Variants in MAML2 observed in about 807,000 individuals in gnomAD.
The protein encoded by MAML2 is mastermind-like protein 2.
A neutral mutation model predicts 96.1 loss-of-function variants in MAML2; 22 were observed. That is an observed-to-expected ratio of 0.23 (90% CI 0.16 to 0.33). The LOEUF is 0.33. MAML2 is among the 10% of genes least tolerant of loss of function. MAML2 has a pLI of 1.00. For synonymous variants in MAML2, 561 were observed against 521.3 expected, an observed-to-expected ratio of 1.08 and a Z score of -1.04; for missense variants, 1,367 against 1,392.4, an observed-to-expected ratio of 0.98 and a Z score of 0.29.
chr11:96,054,149 T>C (rs1288814394), intron 2 of MAML2, among the ~76,000 whole-genome samples: 1 of 152,180 alleles, frequency 6.6e-6, no homozygotes, highest in Non-Finnish European at 1.5e-5. Context: ...AAGGTTCTTA[T>C]TTCTTAGGAC....
At chr11:96,099,730 C>A (rs1859892293) in intron 1 of MAML2, among the ~76,000 whole-genome samples, 1 of 152,166 alleles carries the variant, frequency 6.6e-6, no homozygotes, top group South Asian at 2.1e-4. Flanking sequence ...ACCAAATTCA[C>A]AAGCAAATTA....
chr11:96,223,724 C>T (rs1034747064), intron 1 of MAML2, among the ~76,000 whole-genome samples: 3 of 152,102 alleles, frequency 2.0e-5, no homozygotes, highest in Non-Finnish European at 4.4e-5. Context: ...TCCGCTCCCA[C>T]CCGCCATACC....
intron 1 of MAML2, among the ~76,000 whole-genome samples, chr11:96,249,555 A>T (rs1357765033): frequency 6.6e-6 from 1 of 152,074 alleles, no homozygotes; most frequent in East Asian, 1.9e-4. Flanking sequence ...ATATCCCTCC[A>T]GCTCAATAAA....
chr11:96,136,838 G>T (rs1860641345), intron 1 of MAML2, among the ~76,000 whole-genome samples: 2 of 152,150 alleles, frequency 1.3e-5, no homozygotes, highest in Admixed American at 1.3e-4. Flanking sequence ...AGACCTTGCA[G>T]AGAAGAGAAC....
chr11:96,024,216 A>C (rs947277421), intron 2 of MAML2, among the ~76,000 whole-genome samples: 4 of 152,250 alleles, frequency 2.6e-5, no homozygotes, highest in African/African-American at 9.6e-5. Context: ...CGATAGTAGA[A>C]AAGATTATTT....
At chr11:96,259,744 T>C (rs1862721921) in intron 1 of MAML2, among the ~76,000 whole-genome samples, 1 of 152,224 alleles carries the variant, frequency 6.6e-6, no homozygotes, top group African/African-American at 2.4e-5. Context: ...AGGCAGGGAA[T>C]TGTCATAAAA....
intron 1 of MAML2, among the ~76,000 whole-genome samples, chr11:96,235,899 C>A (rs1862361206): frequency 1.3e-5 from 2 of 152,200 alleles, no homozygotes; most frequent in African/African-American, 2.4e-5. Context: ...CTATAAACAG[C>A]AGTAAAATCT....
chr11:96,036,621 A>G (rs1401582653), intron 2 of MAML2, among the ~76,000 whole-genome samples: 1 of 152,174 alleles, frequency 6.6e-6, no homozygotes, highest in Non-Finnish European at 1.5e-5. Context: ...TACTTGGCCC[A>G]TGATGAGGGA....
At chr11:96,315,992 A>T (rs1462314858) in intron 1 of MAML2, among the ~76,000 whole-genome samples, 3 of 152,248 alleles carry the variant, frequency 2.0e-5, no homozygotes, top group Non-Finnish European at 4.4e-5. Flanking sequence ...CCTTGCCATC[A>T]TTCAGCAATA....
intron 1 of MAML2, among the ~76,000 whole-genome samples, chr11:96,209,702 G>A (rs1475661607): frequency 6.6e-6 from 1 of 152,100 alleles, no homozygotes; most frequent in African/African-American, 2.4e-5. Context: ...ATTAACCTGG[G>A]CATTATAAAA....
intron 2 of MAML2, among the ~76,000 whole-genome samples, chr11:96,005,844 C>A (rs1858171373): frequency 1.3e-5 from 2 of 152,118 alleles, no homozygotes; most frequent in Admixed American, 1.3e-4. Context: ...AATTTTTATG[C>A]TTTGAATCTC....
At chr11:96,078,006 T>C (rs993909725) in intron 2 of MAML2, among the ~76,000 whole-genome samples, 1 of 152,156 alleles carries the variant, frequency 6.6e-6, no homozygotes, top group Non-Finnish European at 1.5e-5. Context: ...TCCTTTTCTG[T>C]CTTCCCCTGG....
At chr11:96,053,132 T>G (rs1859013150) in intron 2 of MAML2, among the ~76,000 whole-genome samples, 1 of 152,220 alleles carries the variant, frequency 6.6e-6, no homozygotes, top group Non-Finnish European at 1.5e-5. Flanking sequence ...AAATTCAAAG[T>G]CATTAATTGT....
At chr11:96,097,868 A>G (rs1859858649) in intron 1 of MAML2, among the ~76,000 whole-genome samples, 1 of 151,996 alleles carries the variant, frequency 6.6e-6, no homozygotes, top group Non-Finnish European at 1.5e-5. Context: ...GCTCTTATAT[A>G]CCCATTTCAT....
intron 1 of MAML2, among the ~76,000 whole-genome samples, chr11:96,169,020 T>C (rs542798932): frequency 6.6e-6 from 1 of 152,342 alleles, no homozygotes; most frequent in South Asian, 2.1e-4. Flanking sequence ...AAATTGCTGA[T>C]GTGACTTTTA....
chr11:96,160,052 T>C (rs902886653), intron 1 of MAML2, among the ~76,000 whole-genome samples: 1 of 152,222 alleles, frequency 6.6e-6, no homozygotes, highest in Non-Finnish European at 1.5e-5. Context: ...GTTTTGTATC[T>C]CTCTTGCCTG....
intron 1 of MAML2, among the ~76,000 whole-genome samples, chr11:96,146,936 T>C (rs919295698): frequency 1.3e-5 from 2 of 152,230 alleles, no homozygotes; most frequent in African/African-American, 4.8e-5. Context: ...GCACACTCTT[T>C]GCTGAAAATG....
chr11:96,093,330 G>T lies in MAML2; in HGVS notation c.701C>A (p.Pro234His). 1 of 1,613,996 alleles carries T rather than the reference G, an allele frequency of 6.2e-7. No homozygotes were observed. Among genetic ancestry groups the T allele is most frequent in the Non-Finnish European group, 8.5e-7 (1 of 1,179,894 alleles). ...CTTTCGCAGGGGTGCTTGGCTCATA[G>T]GCAAGGTCCCTGACATAATCTGACT... is the stretch of plus-strand genomic sequence containing the variant. ...GQSQIMSGTL[P>H]MSQAPLRKTN... Residue 234 changes from proline (P) to histidine (H), a missense_variant, in exon 2 of 5, where the codon CCT becomes CAT. Transcript: ENST00000524717.
intron 3 of MAML2, 40 bp from the exon 4 acceptor site, chr11:95,985,682 C>A: frequency 7.6e-7 from 1 of 1,315,738 alleles, no homozygotes; most frequent in South Asian, 1.3e-5. Flanking sequence ...TTGCATCATT[C>A]CCTTTTCACT....
Sources: allele counts gnomAD v4.1 joint callset (sites outside exome capture counted in the v4.1 genomes callset), GRCh38; gene constraint gnomAD v4.1.1; transcripts MANE v1.5; gene names NCBI Gene and HGNC (gene_info 2026-07-23, HGNC 2026-07-21).